The following CSMD3 variants were observed in gnomAD, a reference collection of about 807,000 sequenced individuals.
The protein encoded by CSMD3 is CUB and sushi domain-containing protein 3.
CSMD3 carries 177 observed loss-of-function variants against 435.2 expected under a neutral mutation model. The observed-to-expected ratio is 0.41, with a 90% CI of 0.36 to 0.46. The LOEUF is 0.46. Ranked by LOEUF, CSMD3 falls within the 20% of genes least tolerant of loss-of-function variation. CSMD3 has a pLI of 0.34. For missense variants in CSMD3, 4,265 were observed against 4,504.6 expected (o/e 0.95, Z 1.52); for synonymous variants, 1,656 against 1,520.5 (o/e 1.09, Z -2.07).
intron 16 of CSMD3, among the ~76,000 whole-genome samples, chr8:112,671,354 G>A (rs2075651204): frequency 1.3e-5 from 2 of 151,824 alleles, no homozygotes; most frequent in Non-Finnish European, 2.9e-5. Context: ...TCCCTTTGAA[G>A]CACCCTTATT....
intron 64 of CSMD3, among the ~76,000 whole-genome samples, chr8:112,245,218 C>T (rs1814609213): frequency 6.6e-6 from 1 of 151,730 alleles, no homozygotes; most frequent in Non-Finnish European, 1.5e-5. Flanking sequence ...TCCATGTTTC[C>T]TTCCACTCCT....
intron 12 of CSMD3, among the ~76,000 whole-genome samples, chr8:112,817,843 T>A (rs1267852397): frequency 2.6e-5 from 4 of 152,126 alleles, no homozygotes; most frequent in Non-Finnish European, 5.9e-5. Flanking sequence ...TGATGTCCAA[T>A]TACAATGCTT....
chr8:113,254,864 G>T (rs1451224761), intron 3 of CSMD3, among the ~76,000 whole-genome samples: 1 of 151,770 alleles, frequency 6.6e-6, no homozygotes, highest in East Asian at 1.9e-4. Context: ...CTATATTAAG[G>T]TCATCATGAA....
At chr8:112,935,599 TCAC>T (rs1240324488) in intron 9 of CSMD3, among the ~76,000 whole-genome samples, 2 of 151,982 alleles carry the variant, frequency 1.3e-5, no homozygotes, top group Non-Finnish European at 2.9e-5. Context: ...TAGAAATCTC[TCAC>T]CTTTTTTGTT....
At chr8:112,954,226 A>C (rs976016814) in intron 8 of CSMD3, among the ~76,000 whole-genome samples, 2 of 151,556 alleles carry the variant, frequency 1.3e-5, no homozygotes, top group Non-Finnish European at 3.0e-5. Context: ...GTTTATCTAA[A>C]TTACCTCAAA....
chr8:112,885,233 C>G (rs1437164981), intron 10 of CSMD3, among the ~76,000 whole-genome samples: 1 of 151,496 alleles, frequency 6.6e-6, no homozygotes, highest in East Asian at 2.0e-4. Context: ...AGATACCAAA[C>G]TGGGAGATCT....
At chr8:112,901,119 A>G (rs2082099428) in intron 10 of CSMD3, among the ~76,000 whole-genome samples, 1 of 151,316 alleles carries the variant, frequency 6.6e-6, no homozygotes, top group South Asian at 2.1e-4. Context: ...TATTTCATAA[A>G]GAAAAATAAT....
intron 11 of CSMD3, among the ~76,000 whole-genome samples, chr8:112,856,812 C>T (rs150978914): frequency 0.011 from 1,628 of 151,844 alleles, 16 homozygotes; most frequent in Non-Finnish European, 0.018. Context: ...GTATTAATCA[C>T]CTTGGTTAAT....
chr8:113,160,001 G>A (rs2092008091), intron 4 of CSMD3, among the ~76,000 whole-genome samples: 1 of 151,774 alleles, frequency 6.6e-6, no homozygotes, highest in African/African-American at 2.4e-5. Flanking sequence ...CTGGTGCTCA[G>A]GAAAAGTAAC....
At position 112,881,539 on chromosome 8, in the gene CSMD3, T is replaced by A. The variant is rs367712782; in HGVS notation, c.1634-22273A>T. ...GTTGTAGCCCTTGGTATGAAAATGA[T>A]GCTGCTAAGCAATTTTTAAAGTAAC... On this transcript the variant is annotated intron_variant, in intron 10 of 70. Transcript: ENST00000297405. 5.4e-4 allele frequency among the ~76,000 whole-genome samples: 82 copies of A among 152,216 alleles called. 1 individual carries two copies. The South Asian group carries it at 6.0e-3, about 11-fold the overall frequency.
chr8:113,283,295 A>T (rs2093625050), intron 2 of CSMD3, among the ~76,000 whole-genome samples: 1 of 152,122 alleles, frequency 6.6e-6, no homozygotes, highest in African/African-American at 2.4e-5. Flanking sequence ...GAGTAAGCAG[A>T]CAACCCACAG....
chr8:112,580,007 C>A (rs1830227091), intron 23 of CSMD3, among the ~76,000 whole-genome samples: 1 of 151,860 alleles, frequency 6.6e-6, no homozygotes, highest in South Asian at 2.1e-4. Context: ...AAATTCTTTT[C>A]CAAAGAATAA....
chr8:112,415,975 G>T (rs1291984337), intron 32 of CSMD3, among the ~76,000 whole-genome samples: 1 of 152,154 alleles, frequency 6.6e-6, no homozygotes, highest in African/African-American at 2.4e-5. Context: ...GAAGGGACTT[G>T]CCTTGTTTCA....
intron 32 of CSMD3, among the ~76,000 whole-genome samples, chr8:112,429,002 C>A (rs1193593733): frequency 6.6e-6 from 1 of 152,058 alleles, no homozygotes; most frequent in East Asian, 1.9e-4. Context: ...TGAACCCAGT[C>A]AACTAGCATA....
At chr8:113,152,221 C>T (rs1300289582) in intron 4 of CSMD3, among the ~76,000 whole-genome samples, 1 of 151,894 alleles carries the variant, frequency 6.6e-6, no homozygotes, top group Non-Finnish European at 1.5e-5. Context: ...GTAGACAAAA[C>T]TTAAAATCAC....
At chr8:112,901,549 A>G (rs1265521219) in intron 10 of CSMD3, among the ~76,000 whole-genome samples, 1 of 151,354 alleles carries the variant, frequency 6.6e-6, no homozygotes, top group Non-Finnish European at 1.5e-5. Context: ...CTCAAAACTG[A>G]AAGTAAATAC....
rs1813761838 is a variant in CSMD3 at position 112,431,967 on chromosome 8, G to A, written c.5396-22935C>T. ...GAGAATCTACCTCTCCTAGGCCCCA[G>A]TCATAAACTTTGACACTTTGAAGGT... is the stretch of plus-strand genomic sequence containing the variant. On this transcript the variant is annotated intron_variant, in intron 32 of 70. Coordinates refer to ENST00000297405, the MANE Select transcript of CSMD3 (RefSeq NM_198123.2). 1.3e-5 allele frequency among the ~76,000 whole-genome samples: 2 copies of A among 152,022 alleles called. 1 individual carries two copies. Among genetic ancestry groups the A allele is most frequent in the South Asian group, 4.1e-4 (2 of 4,832 alleles).
intron 3 of CSMD3, among the ~76,000 whole-genome samples, chr8:113,266,374 A>G (rs867941672): frequency 6.6e-6 from 1 of 151,188 alleles, no homozygotes. Flanking sequence ...TATGTTACCT[A>G]TTGTTTTAAT....
At chr8:112,441,357 T>C (rs139010186) in intron 32 of CSMD3, among the ~76,000 whole-genome samples, 2 of 152,288 alleles carry the variant, frequency 1.3e-5, no homozygotes, top group African/African-American at 2.4e-5. Context: ...AGAAGTTCCA[T>C]ACTTTCCCAC....
Sources: allele counts gnomAD v4.1 joint callset (sites outside exome capture counted in the v4.1 genomes callset), GRCh38; gene constraint gnomAD v4.1.1; transcripts MANE v1.5; gene names NCBI Gene and HGNC (gene_info 2026-07-23, HGNC 2026-07-21).